The following PI4KA variants were observed in gnomAD, a reference collection of about 807,000 sequenced individuals.
PI4KA encodes phosphatidylinositol 4-kinase alpha.
A neutral mutation model predicts 271.4 loss-of-function variants in PI4KA; 122 were observed. The ratio of observed to expected loss-of-function variants is 0.45; its 90% confidence interval spans 0.39 to 0.52. The LOEUF (loss-of-function observed/expected upper bound fraction) is 0.52. Among genes scored for constraint, PI4KA ranks in the 20% least tolerant of loss-of-function variants. The pLI is 0.00. For synonymous variants in PI4KA, 1,041 were observed against 1,078.8 expected (o/e 0.96, Z 0.69); for missense variants, 1,969 against 2,769.1 (o/e 0.71, Z 6.48).
chr22:20,852,488 C>T (rs1474457231), intron 1 of PI4KA, among the ~76,000 whole-genome samples: 1 of 152,200 alleles, frequency 6.6e-6, no homozygotes, highest in Non-Finnish European at 1.5e-5. Flanking sequence ...TTAAGCCAGT[C>T]TGTGGTACTT....
chr22:20,807,369 G>A lies in PI4KA; in HGVS notation c.1161C>T (p.Tyr387=). 6.3e-7 allele frequency: 1 copy of A among 1,599,646 alleles called. No homozygotes were observed. Among genetic ancestry groups the A allele is most frequent in the Non-Finnish European group, 8.6e-7 (1 of 1,166,782 alleles). The change falls in exon 10 of 55, where the codon TAC becomes TAT. Residue 387 remains tyrosine, a synonymous_variant. Coordinates refer to ENST00000255882, the MANE Select transcript of PI4KA (RefSeq NM_058004.4). ...TGGGCAAACTGTCCTCACCCTTCAT[G>A]TAGTACAGAGTGTCACGCAGCATCT... The part of the protein sequence containing the change: ...MFKMLRDTLY[Y]MKDLPTSFVK...
rs1932371452 is a variant in PI4KA at position 20,764,886 on chromosome 22, G to A, written c.2639C>T (p.Ala880Val). ...NLLDPPPEVS[A>V]LINKLDFAMS... ...GGCGAAGTCCAGCTTGTTGATGAGT[G>A]CGGACACCTCGGGAGGGGGGTCCAG... The change falls in exon 22 of 55, where the codon GCA (alanine) becomes GTA (valine). Residue 880 changes from alanine (A) to valine (V), a missense_variant. This residue lies in a region of PI4KA where 368 missense variants were observed against 544.3 expected (regional missense o/e 0.68). Transcript: ENST00000255882. 1.2e-6 allele frequency: 2 copies of A among 1,613,748 alleles called. No homozygotes were observed. Among genetic ancestry groups the A allele is most frequent in the Non-Finnish European group, 1.7e-6 (2 of 1,179,768 alleles).
intron 19 of PI4KA, among the ~76,000 whole-genome samples, chr22:20,771,736 C>A (rs1164783753): frequency 1.3e-5 from 2 of 151,916 alleles, no homozygotes; most frequent in African/African-American, 4.8e-5. Flanking sequence ...TGTGTGCCAC[C>A]ACACCCAGCT....
rs762036318 is a variant in PI4KA at position 20,802,010 on chromosome 22, C to T, written c.1687G>A (p.Glu563Lys). Residue 563 changes from glutamate to lysine, a missense_variant, in exon 14 of 55, where the codon GAG (glutamate) becomes AAG (lysine). By Grantham distance (56) the Glu-to-Lys change is moderately conservative. Around this residue, in one of 13 missense-constraint regions of PI4KA, gnomAD observed 228 missense variants for 261.6 expected, o/e 0.87. Coordinates refer to ENST00000255882, the MANE Select transcript of PI4KA (RefSeq NM_058004.4). Reference protein sequence around the residue: ...SGKKSQPSMYEQLRDIAIDNI... With the variant: ...SGKKSQPSMYKQLRDIAIDNI... Reference sequence around the variant, plus strand: ...TCAATAGCGATGTCTCGGAGCTGCTCGTACATGGAGGGCTGGCTCTTCTTA... The same window carrying T: ...TCAATAGCGATGTCTCGGAGCTGCTTGTACATGGAGGGCTGGCTCTTCTTA... 3.7e-6 allele frequency: 6 copies of T among 1,614,144 alleles called. No individual in the cohort carries two copies. The highest frequency in any genetic ancestry group is 1.7e-5 in the Admixed American group (1 of 60,016).
chr22:20,717,710 G>A lies in PI4KA; in HGVS notation c.5315C>T (p.Pro1772Leu), dbSNP rs1312787870. The change falls in exon 45 of 55, where the codon CCG (proline) becomes CTG (leucine). Residue 1772 changes from proline (P) to leucine (L), a missense_variant and splice_region_variant. Coordinates refer to ENST00000255882, the MANE Select transcript of PI4KA (RefSeq NM_058004.4). Reference protein sequence around the residue: ...LSALSEVKVQPGCYLPSNPEA... With the variant: ...LSALSEVKVQLGCYLPSNPEA... Reference sequence around the variant, plus strand: ...GCCTCCAGAAGCCACCTGCTCACCCGGCTGCACCTTCACTTCAGACAGGGC... The same window carrying A: ...GCCTCCAGAAGCCACCTGCTCACCCAGCTGCACCTTCACTTCAGACAGGGC... 11 of 1,577,202 alleles carry A rather than the reference G, an allele frequency of 7.0e-6. No homozygotes were observed. Among genetic ancestry groups the A allele is most frequent in the East Asian group, 2.3e-5 (1 of 43,326 alleles).
At chr22:20,789,554 TCCTGA>T (rs1310846062) in intron 19 of PI4KA, among the ~76,000 whole-genome samples, 1 of 152,238 alleles carries the variant, frequency 6.6e-6, no homozygotes, top group Non-Finnish European at 1.5e-5. Flanking sequence ...GGTCTCGAAC[TCCTGA>T]CCTCAGGTGA....
intron 3 of PI4KA, among the ~76,000 whole-genome samples, chr22:20,833,953 C>T (rs575350834): frequency 1.3e-5 from 2 of 152,068 alleles, no homozygotes; most frequent in South Asian, 4.2e-4. Flanking sequence ...CCACCACGCC[C>T]GGCCGACCCA....
chr22:20,774,585 G>A (rs1933099285), intron 19 of PI4KA, among the ~76,000 whole-genome samples: 1 of 152,016 alleles, frequency 6.6e-6, no homozygotes, highest in Non-Finnish European at 1.5e-5. Context: ...ACATGGTGAA[G>A]CCAAGTCTCT....
intron 48 of PI4KA, chr22:20,713,024 GGT>G: frequency 1.6e-6 from 1 of 621,664 alleles, no homozygotes; most frequent in Non-Finnish European, 2.8e-6. Context: ...TGTCTGGTGG[GGT>G]GTGTGAGATA....
At chr22:20,793,625 G>C (rs149838164) in intron 18 of PI4KA, among the ~76,000 whole-genome samples, 7 of 152,258 alleles carry the variant, frequency 4.6e-5, no homozygotes, top group African/African-American at 1.7e-4. Flanking sequence ...TCCCAATTAT[G>C]TAATAAATAC....
In PI4KA at chr22:20,858,563, A is replaced by G. The variant is rs970627469; in HGVS notation, c.156+7T>C. ...TGTCAGCCCGCGGCCCAGCCCGCCGACGTTACCTTCTCCAAGGATGCTGGT... is the reference window on the plus strand; with the variant it reads ...TGTCAGCCCGCGGCCCAGCCCGCCGGCGTTACCTTCTCCAAGGATGCTGGT... On this transcript the variant is annotated splice_region_variant and intron_variant, in intron 1 of 54. Coordinates refer to ENST00000255882, the MANE Select transcript of PI4KA (RefSeq NM_058004.4). The G allele has an allele frequency of 1.5e-5, 21 of 1,379,084 alleles. No individual in the cohort carries two copies. The African/African-American group carries it at 3.1e-4, about 21-fold the overall frequency. 85.4% of individuals were successfully genotyped at this position (1,379,084 alleles called of 1,614,324 possible).
At chr22:20,782,332 G>C (rs986714519) in intron 19 of PI4KA, among the ~76,000 whole-genome samples, 3 of 152,194 alleles carry the variant, frequency 2.0e-5, no homozygotes, top group Non-Finnish European at 4.4e-5. Context: ...GTAAACACAC[G>C]TGCAAATGCT....
intron 52 of PI4KA, 124 bp downstream of exon 52, chr22:20,710,575 G>A (rs1429190866): frequency 6.1e-6 from 5 of 818,870 alleles, no homozygotes; most frequent in Non-Finnish European, 9.9e-6. Flanking sequence ...GACAGGTGTA[G>A]GTCAGCAGGT....
chr22:20,759,796 A>C (rs1266412873), intron 23 of PI4KA, among the ~76,000 whole-genome samples: 1 of 152,154 alleles, frequency 6.6e-6, no homozygotes, highest in Non-Finnish European at 1.5e-5. Flanking sequence ...TGATCTCCTG[A>C]CCTTGTGATC....
intron 19 of PI4KA, chr22:20,774,071 A>G (rs1410216911): frequency 6.6e-6 from 1 of 152,230 alleles, no homozygotes; most frequent in Non-Finnish European, 1.5e-5. Context: ...GCCCAGCACC[A>G]AAGTTCACAT....
chr22:20,742,660 C>A lies in PI4KA; in HGVS notation c.3561G>T (p.Gln1187His). The A allele has an allele frequency of 6.2e-7, 1 of 1,614,154 alleles. No homozygotes were observed. The highest frequency in any genetic ancestry group is 8.5e-7 in the Non-Finnish European group (1 of 1,179,996). The part of the protein sequence containing the change: ...LHSALDRSHP[Q>H]HYTQAMFKLT... ...GCTTGAACATGGCCTGCGTGTAGTGCTGAGGATGACTGCGGTCTAAAGCTG... is the reference window on the plus strand; with the variant it reads ...GCTTGAACATGGCCTGCGTGTAGTGATGAGGATGACTGCGGTCTAAAGCTG... Residue 1187 changes from glutamine to histidine, a missense_variant, in exon 31 of 55, where the codon CAG becomes CAT. By Grantham distance (24) the Gln-to-His change is conservative. Around this residue, in one of 13 missense-constraint regions of PI4KA, gnomAD observed 203 missense variants for 256.8 expected, o/e 0.79. Transcript: ENST00000255882.
In PI4KA at chr22:20,824,999, A is replaced by T. The variant is rs1247543880; in HGVS notation, c.368-585T>A. On this transcript the variant is annotated intron_variant, in intron 3 of 54. Transcript: ENST00000255882. ...ACAGGAGAATAGCTCGAAGCCAGGAAGTGGAGGTTCCAGTGAGCCGAGATC... is the reference window on the plus strand; with the variant it reads ...ACAGGAGAATAGCTCGAAGCCAGGATGTGGAGGTTCCAGTGAGCCGAGATC... Among the ~76,000 whole-genome samples the T allele has an allele frequency of 3.1e-5, 4 of 129,880 alleles. No individual in the cohort carries two copies. The South Asian group carries it at 1.0e-3, about 32-fold the overall frequency. 85.2% of individuals were successfully genotyped at this position (129,880 alleles called of 152,430 possible).
chr22:20,799,206 G>A lies in PI4KA; in HGVS notation c.1891C>T (p.Pro631Ser). 1 of 1,590,940 alleles carries A rather than the reference G, an allele frequency of 6.3e-7. No homozygotes were observed. The highest frequency in any genetic ancestry group is 8.6e-7 in the Non-Finnish European group (1 of 1,169,002). Reference sequence around the variant, plus strand: ...TGCAGAATGGGCTCCATGACCTTCGGGGTGTCCCTCAAGGCCACCGCAATG... The same window carrying A: ...TGCAGAATGGGCTCCATGACCTTCGAGGTGTCCCTCAAGGCCACCGCAATG... ...GHIAVALRDT[P>S]KVMEPILQIL... The change falls in exon 16 of 55, where the codon CCG (proline) becomes TCG (serine). Residue 631 changes from proline (P) to serine (S), a missense_variant. Physicochemically the swap from Pro to Ser is moderately conservative, Grantham distance 74 (BLOSUM62 -1). This residue lies in a region of PI4KA where 228 missense variants were observed against 261.6 expected (regional missense o/e 0.87). Coordinates refer to ENST00000255882, the MANE Select transcript of PI4KA (RefSeq NM_058004.4).
chr22:20,796,413 A>G, intron 17 of PI4KA, 99 bp from the exon 18 acceptor site: 2 of 1,091,182 alleles, frequency 1.8e-6, no homozygotes, highest in South Asian at 1.4e-5. Flanking sequence ...GGCCAGGCCC[A>G]GCCTGCCTTA....
Sources: gnomAD v4.1 joint callset for allele counts (sites outside exome capture counted in the v4.1 genomes callset) on GRCh38, gnomAD v4.1.1 for gene constraint, gnomAD v4.1.1 regional missense constraint, MANE v1.5 for transcripts, NCBI Gene and HGNC (gene_info 2026-07-23, HGNC 2026-07-21) for gene names.